Variants in PABPC4L observed in about 807,000 individuals in gnomAD.
PABPC4L encodes the protein poly(A) binding protein cytoplasmic 4 like.
For synonymous variants in PABPC4L, 169 were observed against 164.1 expected, an observed-to-expected ratio of 1.03 and a Z score of -0.23; for missense variants, 452 against 451.4, an observed-to-expected ratio of 1.00 and a Z score of -0.01.
the PABPC4L span, among the ~76,000 whole-genome samples, chr4:134,047,928 TG>T: frequency 2.0e-5 from 3 of 152,092 alleles, no homozygotes; most frequent in Non-Finnish European, 4.4e-5. Flanking sequence ...GTTGCTATGC[TG>T]CAAAATTGTT....
the PABPC4L span, among the ~76,000 whole-genome samples, chr4:134,111,470 T>TG: frequency 6.6e-6 from 1 of 152,064 alleles, no homozygotes; most frequent in East Asian, 1.9e-4. Context: ...CTGTGACATA[T>TG]TAAGTGTTAT....
At chr4:134,118,369 C>T in the PABPC4L span, among the ~76,000 whole-genome samples, 1 of 151,692 alleles carries the variant, frequency 6.6e-6, no homozygotes, top group South Asian at 2.1e-4. Flanking sequence ...ATAGCACACT[C>T]CATTTTCATG....
chr4:134,095,202 G>A, the PABPC4L span, among the ~76,000 whole-genome samples: 1 of 151,732 alleles, frequency 6.6e-6, no homozygotes, highest in Non-Finnish European at 1.5e-5. Flanking sequence ...TATAGAGCTT[G>A]AAAATATACT....
chr4:134,044,875 T>C, the PABPC4L span, among the ~76,000 whole-genome samples: 1 of 152,260 alleles, frequency 6.6e-6, no homozygotes, highest in Admixed American at 6.5e-5. Flanking sequence ...TATAATATAA[T>C]CTCATTTTGT....
chr4:134,171,594 C>A, the PABPC4L span, among the ~76,000 whole-genome samples: 1 of 152,038 alleles, frequency 6.6e-6, no homozygotes, highest in Non-Finnish European at 1.5e-5. Context: ...GGAAGCATTC[C>A]CCTTAGAAGT....
the PABPC4L span, among the ~76,000 whole-genome samples, chr4:134,160,728 G>T: frequency 7.2e-5 from 11 of 152,068 alleles, no homozygotes; most frequent in Non-Finnish European, 1.5e-4. Flanking sequence ...TATTAGCCAG[G>T]TGGTATGTGC....
the PABPC4L span, among the ~76,000 whole-genome samples, chr4:133,958,312 C>T: frequency 6.6e-6 from 1 of 152,200 alleles, no homozygotes; most frequent in Non-Finnish European, 1.5e-5. Flanking sequence ...TCCTCATCTA[C>T]GTCTGAGACT....
chr4:134,072,823 C>T, the PABPC4L span, among the ~76,000 whole-genome samples: 1 of 152,076 alleles, frequency 6.6e-6, no homozygotes, highest in Non-Finnish European at 1.5e-5. Flanking sequence ...GAAGAGATAG[C>T]TGACGAGCAC....
chr4:134,118,293 A>G, the PABPC4L span, among the ~76,000 whole-genome samples: 1 of 151,852 alleles, frequency 6.6e-6, no homozygotes, highest in Non-Finnish European at 1.5e-5. Context: ...TCAGCAAATG[A>G]TGGTTCAATT....
chr4:134,188,737 G>A, the PABPC4L span, among the ~76,000 whole-genome samples: 20 of 151,922 alleles, frequency 1.3e-4, no homozygotes, highest in Middle Eastern at 3.4e-3. Context: ...CTTTATATTT[G>A]TCTTTATTTT....
the PABPC4L span, among the ~76,000 whole-genome samples, chr4:134,025,927 G>A: frequency 6.6e-6 from 1 of 152,098 alleles, no homozygotes; most frequent in African/African-American, 2.4e-5. Flanking sequence ...TCAGAACCAA[G>A]GAAGGGAGAT....
chr4:134,101,139 G>A, the PABPC4L span, among the ~76,000 whole-genome samples: 1 of 151,368 alleles, frequency 6.6e-6, no homozygotes, highest in Non-Finnish European at 1.5e-5. Flanking sequence ...TGGTAAAGTT[G>A]CTAGCTGTAG....
chr4:134,009,771 A>G, the PABPC4L span, among the ~76,000 whole-genome samples: 5 of 152,138 alleles, frequency 3.3e-5, no homozygotes, highest in South Asian at 1.0e-3. Context: ...AAAAATCCTG[A>G]ATCTTTGCAA....
At chr4:134,048,807 C>T in the PABPC4L span, among the ~76,000 whole-genome samples, 23 of 152,114 alleles carry the variant, frequency 1.5e-4, no homozygotes, top group East Asian at 4.3e-3. Context: ...TTAATTAATG[C>T]TGAGAAAGGA....
chr4:133,995,702 G>T, the PABPC4L span, among the ~76,000 whole-genome samples: 6 of 152,128 alleles, frequency 3.9e-5, no homozygotes, highest in African/African-American at 1.4e-4. Flanking sequence ...AATTGTTGTT[G>T]TACACTGGCA....
the PABPC4L span, among the ~76,000 whole-genome samples, chr4:133,992,089 T>C: frequency 6.6e-6 from 1 of 152,190 alleles, no homozygotes; most frequent in Admixed American, 6.5e-5. Context: ...TGGACTCTAT[T>C]TGGGGTCTGG....
At chr4:134,014,991 T>C in the PABPC4L span, among the ~76,000 whole-genome samples, 1 of 151,970 alleles carries the variant, frequency 6.6e-6, no homozygotes, top group Non-Finnish European at 1.5e-5. Flanking sequence ...CTACATCTCA[T>C]TGCCACCCTT....
In PABPC4L at chr4:134,200,314, TCA is replaced by T; in HGVS notation, c.704_705del (p.Val235GlufsTer3). ...TTGGCAGCCTCATGGCTATCAAAAC[TCA>T]CAAAGCCAAAGCCTTTGGATTTCCC... is the stretch of plus-strand genomic sequence containing the variant. ...SSGKSKGFGF[V>X]SFDSHEAAKK... On this transcript the variant is annotated frameshift_variant, in exon 2 of 2. Coordinates refer to ENST00000421491, the MANE Select transcript of PABPC4L (RefSeq NM_001114734.2). LOFTEE classifies it low-confidence loss of function (END_TRUNC). 1 of 1,592,750 alleles carries T rather than the reference TCA, an allele frequency of 6.3e-7. No individual in the cohort carries two copies. The highest frequency in any genetic ancestry group is 8.6e-7 in the Non-Finnish European group (1 of 1,168,318).
the PABPC4L span, among the ~76,000 whole-genome samples, chr4:134,062,151 C>T: frequency 6.6e-6 from 1 of 151,098 alleles, no homozygotes; most frequent in Non-Finnish European, 1.5e-5. Flanking sequence ...GGGTTTTAAG[C>T]CTACCCAGCA....
Sources: gnomAD v4.1 joint callset for allele counts (sites outside exome capture counted in the v4.1 genomes callset) on GRCh38, gnomAD v4.1.1 for gene constraint, MANE v1.5 for transcripts, NCBI Gene and HGNC (gene_info 2026-07-23, HGNC 2026-07-21) for gene names.